The following POMT2 variants were observed in gnomAD, a reference collection of about 807,000 sequenced individuals.
POMT2 encodes protein O-mannosyltransferase 2.
In POMT2, 75 loss-of-function variants were observed where a neutral mutation model predicts 100.0. The observed-to-expected ratio is 0.75, with a 90% CI of 0.62 to 0.91. The LOEUF (loss-of-function observed/expected upper bound fraction) is 0.91. POMT2 is among the 40% of genes least tolerant of loss of function. POMT2 has a pLI of 0.00. For missense variants in POMT2, 940 were observed against 955.1 expected (o/e 0.98, Z 0.21); for synonymous variants, 378 against 374.1 (o/e 1.01, Z -0.12).
rs578133776 is a variant in POMT2 at position 77,280,470 on chromosome 14, G to A, written c.1654-7C>T. 1.9e-6 allele frequency: 3 copies of A among 1,614,196 alleles called. No individual in the cohort carries two copies. The highest frequency in any genetic ancestry group is 2.2e-5 in the East Asian group (1 of 44,876). On this transcript the variant is annotated splice_region_variant and splice_polypyrimidine_tract_variant and intron_variant, in intron 15 of 20. Coordinates refer to ENST00000261534, the MANE Select transcript of POMT2 (RefSeq NM_013382.7). ...GTTTGAGGCCACTGTTCCCCTGCATGAAGGTAGCAAAGAAAGCTAGTCAAG... is the reference window on the plus strand; with the variant it reads ...GTTTGAGGCCACTGTTCCCCTGCATAAAGGTAGCAAAGAAAGCTAGTCAAG...
rs536607567 is a variant in POMT2 at position 77,277,134 on chromosome 14, C to T, written c.*242G>A. 119 of 551,690 alleles carry T rather than the reference C, an allele frequency of 2.2e-4. No homozygotes were observed. The highest frequency in any genetic ancestry group is 1.9e-3 in the Admixed American group (66 of 33,864). 34.2% of individuals were successfully genotyped at this position (551,690 alleles called of 1,614,324 possible). A position where few individuals can be genotyped will look rare whatever the true frequency, so the allele number is the denominator to read the frequency against. On this transcript the variant is annotated 3_prime_UTR_variant, in exon 21 of 21. Transcript: ENST00000261534. The stretch of plus-strand genomic sequence containing the variant: ...CACCCATCCTCCCCTGCGCTGTGCA[C>T]GAGGGAGCAGCCCAAGAGGCGCTGT...
intron 6 of POMT2, chr14:77,300,457 T>G (rs565170515): frequency 1.3e-5 from 2 of 156,402 alleles, no homozygotes; most frequent in South Asian, 3.9e-4. Context: ...AATCAGCCCT[T>G]AATAAATAAT....
chr14:77,279,485 G>A, intron 18 of POMT2: 1 of 498,510 alleles, frequency 2.0e-6, no homozygotes, highest in African/African-American at 1.9e-5. Context: ...GGCTAAAAGT[G>A]AGGGCTGTGG....
chr14:77,290,455 G>C (rs1890597816), intron 10 of POMT2, among the ~76,000 whole-genome samples: 2 of 152,232 alleles, frequency 1.3e-5, no homozygotes, highest in Non-Finnish European at 1.5e-5. Flanking sequence ...AGAGGAGGTG[G>C]ATTTAGGTGA....
intron 11 of POMT2, chr14:77,287,922 T>C (rs1890494097): frequency 6.6e-6 from 1 of 152,172 alleles, no homozygotes; most frequent in Non-Finnish European, 1.5e-5. Flanking sequence ...TAGTTCCAAC[T>C]TCTCAGGAAC....
intron 9 of POMT2, among the ~76,000 whole-genome samples, chr14:77,291,844 C>CCAA (rs78656051): frequency 0.046 from 7,007 of 152,216 alleles, 235 homozygotes; most frequent in Non-Finnish European, 0.071. Context: ...ATCAGCCTGG[C>CCAA]CAACACGGTG....
intron 1 of POMT2, chr14:77,319,507 A>G (rs895534954): frequency 5.9e-5 from 9 of 152,324 alleles, no homozygotes; most frequent in African/African-American, 2.2e-4. Flanking sequence ...CACCTGGGCC[A>G]TTTCTCATGG....
chr14:77,277,982 C>G (rs547640999), intron 20 of POMT2, among the ~76,000 whole-genome samples: 1 of 148,656 alleles, frequency 6.7e-6, no homozygotes, highest in Non-Finnish European at 1.5e-5. Flanking sequence ...TCCCCCATTG[C>G]CCCCCGGTTC....
intron 10 of POMT2, 54 bp downstream of exon 10, chr14:77,291,257 TAAG>T (rs1324313297): frequency 8.5e-6 from 13 of 1,533,740 alleles, no homozygotes; most frequent in South Asian, 5.7e-5. Flanking sequence ...TGAGAAATCT[TAAG>T]GAGGGCTCAG....
chr14:77,302,723 A>T, intron 5 of POMT2, 112 bp downstream of exon 5: 2 of 808,362 alleles, frequency 2.5e-6, no homozygotes, highest in Non-Finnish European at 2.1e-6. Context: ...TGCTTGCCTT[A>T]AAATCAGCTT....
At chr14:77,306,252 C>T (rs185412957) in intron 3 of POMT2, 85 bp downstream of exon 3, 1 of 1,582,944 alleles carries the variant, frequency 6.3e-7, no homozygotes, top group Non-Finnish European at 8.6e-7. Flanking sequence ...GCACCTGCCA[C>T]CACGCCAGGG....
At chr14:77,307,565 G>A (rs145642901) in intron 2 of POMT2, among the ~76,000 whole-genome samples, 15 of 152,326 alleles carry the variant, frequency 9.8e-5, no homozygotes, top group African/African-American at 2.2e-4. Flanking sequence ...CTGGGATCTC[G>A]CAGGACAAGC....
rs1331895827 is a variant in POMT2 at position 77,301,014 on chromosome 14, CAG to C, written c.816+74_816+75del. ...GCCACTCTGCCACCTGCAGTAGAGACAGAGAAGGCCACCAGCTCCTACTCAGC... is the reference window on the plus strand; with the variant it reads ...GCCACTCTGCCACCTGCAGTAGAGACAGAAGGCCACCAGCTCCTACTCAGC... On this transcript the variant is annotated intron_variant, in intron 6 of 20. Transcript: ENST00000261534. 5.0e-6 allele frequency: 8 copies of C among 1,610,346 alleles called. No individual in the cohort carries two copies. The African/African-American group carries it at 9.4e-5, about 19-fold the overall frequency.
chr14:77,278,257 TGGGCTTGGGTGACGCAGAACCTCCA>T, intron 20 of POMT2, 112 bp downstream of exon 20: 1 of 763,044 alleles, frequency 1.3e-6, no homozygotes, highest in Non-Finnish European at 2.2e-6. Flanking sequence ...CGGCCCCACC[TGGGCTTGGGTGACGCAGAACCTCCA>T]GGCATGGGCA....
intron 16 of POMT2, 38 bp downstream of exon 16, chr14:77,280,354 C>T (rs776502093): frequency 1.2e-6 from 2 of 1,612,658 alleles, no homozygotes; most frequent in East Asian, 2.2e-5. Context: ...TTGTTCTTGG[C>T]TCCATTTCCT....
At chr14:77,301,344 G>C in intron 5 of POMT2, 95 bp from the exon 6 acceptor site, 1 of 1,501,562 alleles carries the variant, frequency 6.7e-7, no homozygotes, top group Non-Finnish European at 9.2e-7. Context: ...ACTTGGAGCG[G>C]CTGTGCTGTG....
intron 18 of POMT2, 58 bp downstream of exon 18, chr14:77,279,765 G>A: frequency 6.5e-7 from 1 of 1,539,806 alleles, no homozygotes; most frequent in Non-Finnish European, 8.8e-7. Context: ...GCCCTCCCCA[G>A]GGGTGCAGGT....
In POMT2 at chr14:77,277,209, C is replaced by CAA; in HGVS notation, c.*165_*166dup. 1 of 665,610 alleles carries CAA rather than the reference C, an allele frequency of 1.5e-6. No individual in the cohort carries two copies. The highest frequency in any genetic ancestry group is 2.7e-6 in the Non-Finnish European group (1 of 370,374). The allele number at this position is 665,610 out of a possible 1,614,324, so 41.2% of individuals were successfully genotyped here. ...GCTGCGGCTCTCTCCCGGCTCTCTCCAATGCTGGGTTCCATTCCAGCTGCA... is the reference window on the plus strand; with the variant it reads ...GCTGCGGCTCTCTCCCGGCTCTCTCCAAAATGCTGGGTTCCATTCCAGCTGCA... On this transcript the variant is annotated 3_prime_UTR_variant, in exon 21 of 21. Transcript: ENST00000261534.
chr14:77,306,253 C>A, intron 3 of POMT2, 84 bp downstream of exon 3: 1 of 1,584,112 alleles, frequency 6.3e-7, no homozygotes, highest in Admixed American at 1.7e-5. Context: ...CACCTGCCAC[C>A]ACGCCAGGGC....
Sources: allele counts gnomAD v4.1 joint callset (sites outside exome capture counted in the v4.1 genomes callset), GRCh38; gene constraint gnomAD v4.1.1; transcripts MANE v1.5; gene names NCBI Gene and HGNC (gene_info 2026-07-23, HGNC 2026-07-21).